ITPR2: variants seen among roughly 807,000 people sequenced by gnomAD.
The protein encoded by ITPR2 is inositol 1,4,5-trisphosphate-gated calcium channel ITPR2.
Under a neutral mutation model 317.1 loss-of-function variants are expected in ITPR2, and 207 were observed. The observed-to-expected ratio is 0.65, with a 90% CI of 0.58 to 0.73. The LOEUF is 0.73. ITPR2 is among the 30% of genes least tolerant of loss of function. The pLI is 0.00. For missense variants in ITPR2, 2,613 were observed against 3,284.0 expected (o/e 0.80, Z 4.99); for synonymous variants, 1,156 against 1,149.1 (o/e 1.01, Z -0.12).
chr12:26,390,943 G>A lies in ITPR2; in HGVS notation c.7697-3349C>T, dbSNP rs540767600. On this transcript the variant is annotated intron_variant, in intron 54 of 56. Coordinates refer to ENST00000381340, the MANE Select transcript of ITPR2 (RefSeq NM_002223.4). ...CTTACTATCAATTAATCTGTAATAC[G>A]GTAGAGGAAACAGGCACGTTGCGTT... Among the ~76,000 whole-genome samples the A allele has an allele frequency of 3.3e-5, 5 of 152,108 alleles. No individual in the cohort carries two copies. In the East Asian group the frequency reaches 5.8e-4, roughly 18 times the overall value.
At chr12:26,509,394 G>A (rs1259682460) in intron 37 of ITPR2, among the ~76,000 whole-genome samples, 3 of 152,176 alleles carry the variant, frequency 2.0e-5, no homozygotes, top group African/African-American at 7.2e-5. Flanking sequence ...TATAGTATGT[G>A]AATATCTCAA....
chr12:26,673,391 T>A (rs1947834210), intron 13 of ITPR2, among the ~76,000 whole-genome samples: 1 of 152,136 alleles, frequency 6.6e-6, no homozygotes, highest in Admixed American at 6.5e-5. Flanking sequence ...TGGTTCAATA[T>A]ACGCAAATCA....
chr12:26,624,563 G>A (rs907029281), intron 23 of ITPR2, among the ~76,000 whole-genome samples: 6 of 152,040 alleles, frequency 3.9e-5, no homozygotes, highest in Admixed American at 1.3e-4. Context: ...TGGCAAACAG[G>A]TTTATGAAAA....
chr12:26,340,127 A>T, intron 56 of ITPR2, 40 bp downstream of exon 56: 1 of 1,538,850 alleles, frequency 6.5e-7, no homozygotes, highest in Non-Finnish European at 8.7e-7. Context: ...GTGGTGAATG[A>T]CTTTATCCCA....
rs560779671 is a variant in ITPR2, at chr12:26,807,504, A to G, written c.93-17277T>C. Among the ~76,000 whole-genome samples, 10 of 152,368 alleles carry G rather than the reference A, an allele frequency of 6.6e-5. No individual in the cohort carries two copies. In the East Asian group the frequency reaches 1.9e-3, roughly 29 times the overall value. On this transcript the variant is annotated intron_variant, in intron 1 of 56. Transcript: ENST00000381340. ...GTAGGTGAGAAGTCAAAGCTGGAACACAATGTCATATGTGGGGAATCCAAA... is the reference window on the plus strand; with the variant it reads ...GTAGGTGAGAAGTCAAAGCTGGAACGCAATGTCATATGTGGGGAATCCAAA...
intron 1 of ITPR2, among the ~76,000 whole-genome samples, chr12:26,802,596 G>T (rs7313964): frequency 2.9e-4 from 3 of 10,278 alleles, no homozygotes; most frequent in African/African-American, 6.1e-4. Context: ...TCTATATATA[G>T]ATATAGATAT....
intron 39 of ITPR2, among the ~76,000 whole-genome samples, chr12:26,491,080 G>A (rs1942789508): frequency 6.6e-6 from 1 of 152,166 alleles, no homozygotes; most frequent in Non-Finnish European, 1.5e-5. Flanking sequence ...AAGAACAAGG[G>A]AAAGTTGGAA....
chr12:26,457,637 G>A (rs1432418829), intron 45 of ITPR2, among the ~76,000 whole-genome samples: 1 of 152,196 alleles, frequency 6.6e-6, no homozygotes, highest in Non-Finnish European at 1.5e-5. Context: ...GGTATTGAAG[G>A]ATGTGGGCAG....
chr12:26,345,001 T>C (rs1938258269), intron 55 of ITPR2, among the ~76,000 whole-genome samples: 1 of 152,218 alleles, frequency 6.6e-6, no homozygotes, highest in African/African-American at 2.4e-5. Flanking sequence ...TTTTCTCTCC[T>C]ACCTTTCTGC....
intron 48 of ITPR2, among the ~76,000 whole-genome samples, chr12:26,435,388 C>T (rs1592021009): frequency 6.6e-6 from 1 of 152,080 alleles, no homozygotes; most frequent in Non-Finnish European, 1.5e-5. Context: ...TAAATTCTCA[C>T]AGTAATCCCA....
At chr12:26,459,154 G>C (rs1290047847) in intron 45 of ITPR2, among the ~76,000 whole-genome samples, 2 of 152,104 alleles carry the variant, frequency 1.3e-5, no homozygotes, top group Non-Finnish European at 2.9e-5. Flanking sequence ...AATCTAGGAG[G>C]GTGGACATTT....
chr12:26,499,376 T>TGGGTGG (rs1943021939), intron 37 of ITPR2, among the ~76,000 whole-genome samples: 1 of 152,206 alleles, frequency 6.6e-6, no homozygotes, highest in African/African-American at 2.4e-5. Flanking sequence ...GGCTTCCTAT[T>TGGGTGG]TTTCTGTTGT....
In ITPR2 at chr12:26,595,469, G is replaced by T; in HGVS notation, c.4376C>A (p.Ala1459Glu). ...KLFENFLVDM[A>E]RVCNTTTDRK... is the part of the protein sequence containing the mutation. ...AGTAGTCAAAATCTAACTTACCCTT[G>T]CCATATCCACCAAGAAGTTCTCAAA... The change falls in exon 32 of 57, where the codon GCA (alanine) becomes GAA (glutamate). Residue 1459 changes from alanine (A) to glutamate (E), a missense_variant. By Grantham distance (107) the Ala-to-Glu change is moderately radical (BLOSUM62 -1). Around this residue, in one of 9 missense-constraint regions of ITPR2, gnomAD observed 926 missense variants for 1,072.8 expected, o/e 0.86. Transcript: ENST00000381340. 1 of 1,605,470 alleles carries T rather than the reference G, an allele frequency of 6.2e-7. No homozygotes were observed. Among genetic ancestry groups the T allele is most frequent in the South Asian group, 1.1e-5 (1 of 88,914 alleles).
chr12:26,825,466 C>T (rs1199466841), intron 1 of ITPR2, among the ~76,000 whole-genome samples: 6 of 151,796 alleles, frequency 4.0e-5, no homozygotes, highest in Non-Finnish European at 8.8e-5. Context: ...CTATAGTATT[C>T]TGTCTATATT....
At position 26,628,768 on chromosome 12, in the gene ITPR2, G is replaced by A. The variant is rs188996416; in HGVS notation, c.2935-606C>T. Among the ~76,000 whole-genome samples the A allele has an allele frequency of 1.6e-4, 25 of 152,262 alleles. 1 individual carries two copies. Among genetic ancestry groups the A allele is most frequent in the East Asian group, 1.9e-4 (1 of 5,178 alleles). On this transcript the variant is annotated intron_variant, in intron 22 of 56. Transcript: ENST00000381340. ...GCTCCAGACTGTGCTAGGTGCCACA[G>A]GGAATGCAAACACGTGAAGCCTACT...
intron 34 of ITPR2, among the ~76,000 whole-genome samples, chr12:26,571,005 T>C (rs1945145290): frequency 6.6e-6 from 1 of 152,182 alleles, no homozygotes; most frequent in African/African-American, 2.4e-5. Flanking sequence ...TACATTCCAG[T>C]TAGGCCCCCT....
chr12:26,696,112 T>C (rs1948343979), intron 9 of ITPR2, among the ~76,000 whole-genome samples: 1 of 152,184 alleles, frequency 6.6e-6, no homozygotes, highest in Non-Finnish European at 1.5e-5. Context: ...ATAAGATATG[T>C]GAGCAAATAC....
At chr12:26,360,040 AG>A (rs1362778832) in intron 55 of ITPR2, among the ~76,000 whole-genome samples, 9 of 152,146 alleles carry the variant, frequency 5.9e-5, no homozygotes, top group Non-Finnish European at 1.2e-4. Flanking sequence ...ACACACAAAG[AG>A]AAGAAGGAGG....
In ITPR2 at chr12:26,415,370, C is replaced by A. The variant is rs1304874140; in HGVS notation, c.7239G>T (p.Gly2413=). ...LILVYLFSII[G]FLFLKDDFTM... ...TGAAGTCATCCTTCAAAAAAAGGAACCCAATAATGGAAAACAGGTAGACGA... is the reference window on the plus strand; with the variant it reads ...TGAAGTCATCCTTCAAAAAAAGGAAACCAATAATGGAAAACAGGTAGACGA... Residue 2413 remains glycine (G), a synonymous_variant, in exon 51 of 57, where the codon GGG becomes GGT. Transcript: ENST00000381340. The A allele has an allele frequency of 2.5e-6, 4 of 1,612,418 alleles. No homozygotes were observed. The highest frequency in any genetic ancestry group is 3.4e-6 in the Non-Finnish European group (4 of 1,179,136).
Sources: gnomAD v4.1 joint callset for allele counts (sites outside exome capture counted in the v4.1 genomes callset) on GRCh38, gnomAD v4.1.1 for gene constraint, gnomAD v4.1.1 regional missense constraint, MANE v1.5 for transcripts, NCBI Gene and HGNC (gene_info 2026-07-23, HGNC 2026-07-21) for gene names.